The following NDUFS5 variants were observed in gnomAD, a reference collection of about 807,000 sequenced individuals.
NDUFS5 encodes the protein NADH:ubiquinone oxidoreductase subunit S5.
In NDUFS5, 7 loss-of-function variants were observed where a neutral mutation model predicts 10.5. The observed-to-expected ratio is 0.66, with a 90% CI of 0.38 to 1.25. The LOEUF is 1.25. NDUFS5 is among the 50% of genes most tolerant of loss of function. The pLI, the probability that NDUFS5 is intolerant of heterozygous loss-of-function variation, is 0.02. For missense variants in NDUFS5, 148 were observed against 140.7 expected (o/e 1.05, Z -0.26); for synonymous variants, 38 against 44.0 (o/e 0.86, Z 0.54).
At chr1:39,030,340 G>A (rs1412587949) in intron 2 of NDUFS5, among the ~76,000 whole-genome samples, 2 of 151,100 alleles carry the variant, frequency 1.3e-5, no homozygotes, top group African/African-American at 2.4e-5. Context: ...GAGAGGCAGA[G>A]GTTCCAGTGA....
At chr1:39,033,483 G>A (rs1570993679) in intron 2 of NDUFS5, among the ~76,000 whole-genome samples, 1 of 150,594 alleles carries the variant, frequency 6.6e-6, no homozygotes, top group East Asian at 2.1e-4. Flanking sequence ...TGAGGCAGGA[G>A]AATGGCGCGA....
rs760373747 is a variant in NDUFS5, at chr1:39,027,581, G to GTTTTTTTTT, written c.-2-1135_-2-1127dup. On this transcript the variant is annotated intron_variant, in intron 1 of 2. Transcript: ENST00000372969. The stretch of plus-strand genomic sequence containing the variant: ...GTCTTAACCCATTTCTTTCGCTCTG[G>GTTTTTTTTT]TTTTTTTTTTTTTTTGAGACAGGAT... 3.9e-4 allele frequency among the ~76,000 whole-genome samples: 36 copies of GTTTTTTTTT among 91,158 alleles called. 8 individuals carry two copies. Among genetic ancestry groups the GTTTTTTTTT allele is most frequent in the Middle Eastern group, 6.9e-3 (1 of 144 alleles). 59.8% of individuals were successfully genotyped at this position (91,158 alleles called of 152,430 possible). A position where few individuals can be genotyped will look rare whatever the true frequency, so the allele number is the denominator to read the frequency against.
At chr1:39,029,477 T>C (rs1333878276) in intron 2 of NDUFS5, among the ~76,000 whole-genome samples, 7 of 152,196 alleles carry the variant, frequency 4.6e-5, no homozygotes, top group Admixed American at 1.3e-4. Flanking sequence ...TCCCAAATTT[T>C]CCTTAGTATT....
At chr1:39,027,580 G>GTTTTTTTTTTTTTTTTTTTT (rs1557650948) in intron 1 of NDUFS5, among the ~76,000 whole-genome samples, 1 of 44,042 alleles carries the variant, frequency 2.3e-5, no homozygotes, top group African/African-American at 5.2e-5. Flanking sequence ...CTTTCGCTCT[G>GTTTTTTTTTTTTTTTTTTTT]GTTTTTTTTT....
At chr1:39,028,385 T>A (rs564310759) in intron 1 of NDUFS5, among the ~76,000 whole-genome samples, 31 of 152,124 alleles carry the variant, frequency 2.0e-4, no homozygotes, top group African/African-American at 7.5e-4. Flanking sequence ...TGAGCCAAGA[T>A]TGCACCATGC....
At chr1:39,026,749 C>T (rs531902708) in intron 1 of NDUFS5, among the ~76,000 whole-genome samples, 11 of 152,372 alleles carry the variant, frequency 7.2e-5, no homozygotes, top group Non-Finnish European at 1.5e-4. Flanking sequence ...CACCGTCATG[C>T]ACGCTGCGCT....
chr1:39,032,520 T>C (rs1378491433), intron 2 of NDUFS5, among the ~76,000 whole-genome samples: 1 of 152,154 alleles, frequency 6.6e-6, no homozygotes, highest in Non-Finnish European at 1.5e-5. Context: ...ATTTTTCGTA[T>C]CTTTGTGAAA....
intron 2 of NDUFS5, among the ~76,000 whole-genome samples, chr1:39,030,656 C>G (rs1245098369): frequency 7.0e-6 from 1 of 142,072 alleles, no homozygotes; most frequent in Non-Finnish European, 1.5e-5. Context: ...GGAGGCAGAG[C>G]TTGCAGTGAG....
intron 2 of NDUFS5, among the ~76,000 whole-genome samples, chr1:39,031,419 C>T (rs1174797332): frequency 1.3e-5 from 2 of 152,104 alleles, no homozygotes; most frequent in Non-Finnish European, 2.9e-5. Context: ...AGTCATCCTC[C>T]TGCCTCAGCC....
At chr1:39,033,786 C>A (rs144818585) in intron 2 of NDUFS5, among the ~76,000 whole-genome samples, 1,978 of 144,254 alleles carry the variant, frequency 0.014, 40 homozygotes, top group African/African-American at 0.047. Context: ...AGGCGTGAGC[C>A]ACCACGGCCC....
In NDUFS5 at chr1:39,034,514, G is replaced by A. The variant is rs6981; in HGVS notation, c.*18G>A. The A allele has an allele frequency of 0.048, 76,546 of 1,606,630 alleles. 2,150 individuals carry two copies. Among genetic ancestry groups the A allele is most frequent in the Non-Finnish European group, 0.055 (64,779 of 1,173,494 alleles). Reference sequence around the variant, plus strand: ...GGCCCTGAACAGAGCAGCTGCTGATGTCTGGAGGCTGATTTTCCTGTTCTC... The same window carrying A: ...GGCCCTGAACAGAGCAGCTGCTGATATCTGGAGGCTGATTTTCCTGTTCTC... On this transcript the variant is annotated 3_prime_UTR_variant, in exon 3 of 3. Coordinates refer to ENST00000372969, the MANE Select transcript of NDUFS5 (RefSeq NM_004552.3).
chr1:39,030,765 T>G (rs576235619), intron 2 of NDUFS5, among the ~76,000 whole-genome samples: 2 of 151,854 alleles, frequency 1.3e-5, no homozygotes, highest in South Asian at 4.2e-4. Flanking sequence ...GATAAATTGA[T>G]ACCAACAGGA....
Position 39,028,884 on chromosome 1 carries a change from A to G in NDUFS5, c.160A>G (p.Lys54Glu). ...AHGIGYTRAE[K>E]ECKIEYDDFV... ...TGGAATCGGTTATACTCGGGCAGAG[A>G]AAGAGTGCAAGATAGAATATGATGA... The change falls in exon 2 of 3, where the codon AAA (lysine) becomes GAA (glutamate). Residue 54 changes from lysine (K) to glutamate (E), a missense_variant. Lys to Glu is a moderately conservative substitution (Grantham distance 56). Coordinates refer to ENST00000372969, the MANE Select transcript of NDUFS5 (RefSeq NM_004552.3). The G allele has an allele frequency of 6.2e-7, 1 of 1,614,166 alleles. No individual in the cohort carries two copies. The highest frequency in any genetic ancestry group is 8.5e-7 in the Non-Finnish European group (1 of 1,180,024).
intron 2 of NDUFS5, among the ~76,000 whole-genome samples, chr1:39,031,208 C>G (rs191446437): frequency 1.3e-5 from 2 of 151,938 alleles, no homozygotes; most frequent in East Asian, 3.9e-4. Context: ...GAAATGGGGT[C>G]TTCTTGTGTT....
chr1:39,029,401 T>G (rs1367719544), intron 2 of NDUFS5, among the ~76,000 whole-genome samples: 1 of 152,140 alleles, frequency 6.6e-6, no homozygotes, highest in Non-Finnish European at 1.5e-5. Flanking sequence ...TTTGGTACCA[T>G]GATGAGGAAA....
intron 1 of NDUFS5, among the ~76,000 whole-genome samples, chr1:39,027,318 C>T (rs1409569120): frequency 6.6e-6 from 1 of 152,074 alleles, no homozygotes; most frequent in African/African-American, 2.4e-5. Flanking sequence ...GTGATCCGCC[C>T]GCCTCGGCCT....
At chr1:39,034,272 C>G (rs944887276) in intron 2 of NDUFS5, 120 bp from the exon 3 acceptor site, 1 of 824,864 alleles carries the variant, frequency 1.2e-6, no homozygotes, top group African/African-American at 1.7e-5. Context: ...TTTCAGAGGC[C>G]CCGTAAGATG....
intron 2 of NDUFS5, among the ~76,000 whole-genome samples, chr1:39,030,116 T>C (rs1280572405): frequency 7.0e-6 from 1 of 142,378 alleles, no homozygotes; most frequent in Non-Finnish European, 1.5e-5. Context: ...AAAAACAAAT[T>C]TAAAAAAATC....
Position 39,028,907 on chromosome 1 carries a change from T to C in NDUFS5, c.183T>C (p.Asp61=), listed in dbSNP as rs1286576736. 1.2e-6 allele frequency: 2 copies of C among 1,613,834 alleles called. No individual in the cohort carries two copies. The highest frequency in any genetic ancestry group is 3.3e-5 in the Admixed American group (2 of 59,960). ...RAEKECKIEY[D]DFVECLLRQK... ...AGAAAGAGTGCAAGATAGAATATGA[T>C]GATTTCGTAGAGTGTTTGCTTCGGC... Residue 61 remains aspartate (D), a synonymous_variant, in exon 2 of 3, where the codon GAT becomes GAC. Coordinates refer to ENST00000372969, the MANE Select transcript of NDUFS5 (RefSeq NM_004552.3).
Sources: gnomAD v4.1 joint callset for allele counts (sites outside exome capture counted in the v4.1 genomes callset) on GRCh38, gnomAD v4.1.1 for gene constraint, MANE v1.5 for transcripts, NCBI Gene and HGNC (gene_info 2026-07-23, HGNC 2026-07-21) for gene names.